LAPTM5: variants seen among roughly 807,000 people sequenced by gnomAD.
The protein encoded by LAPTM5 is lysosomal-associated transmembrane protein 5.
In LAPTM5, 11 loss-of-function variants were observed where a neutral mutation model predicts 30.1. The ratio of observed to expected loss-of-function variants is 0.37; its 90% CI spans 0.23 to 0.60. The LOEUF is 0.60. Ranked by LOEUF, LAPTM5 falls within the 20% of genes least tolerant of loss-of-function variation. The probability of loss-of-function intolerance (pLI) is 0.71; values close to 1 mark genes in which losing one functional copy is unlikely to be tolerated. For missense variants in LAPTM5, 324 were observed against 332.5 expected, an observed-to-expected ratio of 0.97 and a Z score of 0.20; for synonymous variants, 151 against 137.9, an observed-to-expected ratio of 1.10 and a Z score of -0.67.
chr1:30,754,864 C>T (rs1269717262), intron 1 of LAPTM5, among the ~76,000 whole-genome samples: 3 of 152,214 alleles, frequency 2.0e-5, no homozygotes, highest in African/African-American at 4.8e-5. Context: ...TGTGCAGAGT[C>T]GTCACCCATG....
intron 1 of LAPTM5, among the ~76,000 whole-genome samples, chr1:30,743,250 A>G (rs2124185927): frequency 6.6e-6 from 1 of 152,348 alleles, no homozygotes; most frequent in African/African-American, 2.4e-5. Flanking sequence ...GGTTCCAGGC[A>G]GGGAAAGCCT....
At chr1:30,747,200 A>G (rs1210569320) in intron 1 of LAPTM5, among the ~76,000 whole-genome samples, 1 of 152,194 alleles carries the variant, frequency 6.6e-6, no homozygotes, top group Non-Finnish European at 1.5e-5. Context: ...CCAACACAGA[A>G]GAGAAGAAAG....
In LAPTM5 at chr1:30,739,860, G is replaced by C; in HGVS notation, c.336C>G (p.Gly112=). The C allele has an allele frequency of 6.2e-7, 1 of 1,608,460 alleles. No individual in the cohort carries two copies. The highest frequency in any genetic ancestry group is 8.5e-7 in the Non-Finnish European group (1 of 1,177,182). ...DYLLCLLTLL[G]SYIELPAYLK... Reference sequence around the variant, plus strand: ...GGTAGGCGGGCAGCTCAATGTAGGAGCCCAGCAGGGTGAGCAGGCACAGGA... The same window carrying C: ...GGTAGGCGGGCAGCTCAATGTAGGACCCCAGCAGGGTGAGCAGGCACAGGA... The change falls in exon 4 of 8, where the codon GGC becomes GGG. Residue 112 remains glycine, a synonymous_variant. Coordinates refer to ENST00000294507, the MANE Select transcript of LAPTM5 (RefSeq NM_006762.3). The surrounding 1 kb of genome is among the most constrained non-coding windows in gnomAD (Gnocchi z 4.2).
intron 1 of LAPTM5, among the ~76,000 whole-genome samples, chr1:30,751,215 G>T (rs1640133409): frequency 6.6e-6 from 1 of 152,232 alleles, no homozygotes; most frequent in Non-Finnish European, 1.5e-5. Flanking sequence ...GAGGTGAGGA[G>T]AACAACTCAG....
At chr1:30,756,342 G>C (rs1213376183) in intron 1 of LAPTM5, among the ~76,000 whole-genome samples, 2 of 152,188 alleles carry the variant, frequency 1.3e-5, no homozygotes, top group Admixed American at 6.5e-5. Flanking sequence ...TTGACTCCAA[G>C]GATGCTGACA....
intron 2 of LAPTM5, 113 bp from the exon 3 acceptor site, chr1:30,741,829 A>T: frequency 1.5e-6 from 1 of 682,772 alleles, no homozygotes; most frequent in South Asian, 1.9e-5. Flanking sequence ...ATGCACAGGA[A>T]AGCCCAGGCC....
chr1:30,750,893 C>A (rs1569872958), intron 1 of LAPTM5, among the ~76,000 whole-genome samples: 2 of 152,334 alleles, frequency 1.3e-5, no homozygotes, highest in South Asian at 4.1e-4. Context: ...CCCAAGCAGC[C>A]CCTGTGCAGG....
chr1:30,752,525 T>A (rs1640152057), intron 1 of LAPTM5, among the ~76,000 whole-genome samples: 1 of 152,184 alleles, frequency 6.6e-6, no homozygotes, highest in Non-Finnish European at 1.5e-5. Flanking sequence ...CAGCGTGACC[T>A]CTTTTCCAAG....
intron 1 of LAPTM5, among the ~76,000 whole-genome samples, chr1:30,747,939 C>T (rs952542923): frequency 2.6e-5 from 4 of 151,908 alleles, no homozygotes; most frequent in Non-Finnish European, 4.4e-5. Context: ...ATGGGGGTGA[C>T]GGCAATGGGG....
chr1:30,741,557 C>T, intron 3 of LAPTM5, 83 bp downstream of exon 3: 1 of 1,012,704 alleles, frequency 9.9e-7, no homozygotes, highest in East Asian at 3.0e-5. Context: ...GCCTCCCACC[C>T]TCTCAGCACC....
chr1:30,739,395 C>T lies in LAPTM5; in HGVS notation c.388-333G>A, dbSNP rs958391900. Among the ~76,000 whole-genome samples, 4 of 152,198 alleles carry T rather than the reference C, an allele frequency of 2.6e-5. No individual in the cohort carries two copies. Among genetic ancestry groups the T allele is most frequent in the African/African-American group, 7.2e-5 (3 of 41,440 alleles). ...ACTGGCAGCAGCCCTCAAGCCACCC[C>T]ACAGTGGGCGCTCACTGGCATGAAT... On this transcript the variant is annotated intron_variant, in intron 4 of 7. Coordinates refer to ENST00000294507, the MANE Select transcript of LAPTM5 (RefSeq NM_006762.3). The surrounding 1 kb of genome is among the most constrained non-coding windows in gnomAD (Gnocchi z 4.2).
chr1:30,748,881 C>T (rs984928140), intron 1 of LAPTM5, among the ~76,000 whole-genome samples: 55 of 152,238 alleles, frequency 3.6e-4, no homozygotes, highest in African/African-American at 1.3e-3. Context: ...GGGATCCTGG[C>T]CTGGCCATGT....
At chr1:30,740,705 A>C (rs1639957962) in intron 3 of LAPTM5, among the ~76,000 whole-genome samples, 1 of 151,972 alleles carries the variant, frequency 6.6e-6, no homozygotes, top group Non-Finnish European at 1.5e-5. Context: ...CCATTTCTCC[A>C]TTTCTCTAGC....
At chr1:30,741,425 T>C (rs1639968654) in intron 3 of LAPTM5, among the ~76,000 whole-genome samples, 1 of 152,176 alleles carries the variant, frequency 6.6e-6, no homozygotes, top group Non-Finnish European at 1.5e-5. Context: ...CCCGGCCCCG[T>C]GGAGGCTCAT....
At chr1:30,745,469 G>A (rs1007312196) in intron 1 of LAPTM5, among the ~76,000 whole-genome samples, 16 of 147,952 alleles carry the variant, frequency 1.1e-4, no homozygotes, top group African/African-American at 4.0e-4. Context: ...CCAGGCACCA[G>A]AGGTATTTCT....
intron 5 of LAPTM5, among the ~76,000 whole-genome samples, chr1:30,738,737 T>A (rs1009809160): frequency 1.3e-5 from 2 of 152,228 alleles, no homozygotes; most frequent in African/African-American, 4.8e-5. Context: ...CTTGGCTTCC[T>A]CCTTTTCTCG....
chr1:30,738,217 T>C (rs1048746764), intron 5 of LAPTM5, among the ~76,000 whole-genome samples: 1 of 152,226 alleles, frequency 6.6e-6, no homozygotes, highest in African/African-American at 2.4e-5. Context: ...CCCTTGAGTG[T>C]GGGCTGGACT....
At chr1:30,736,767 T>C (rs1639890291) in intron 6 of LAPTM5, among the ~76,000 whole-genome samples, 1 of 152,192 alleles carries the variant, frequency 6.6e-6, no homozygotes, top group Admixed American at 6.5e-5. Flanking sequence ...TACTATGACC[T>C]ATGTTACTTT....
intron 1 of LAPTM5, among the ~76,000 whole-genome samples, chr1:30,742,797 C>T (rs1353103060): frequency 6.6e-6 from 1 of 152,158 alleles, no homozygotes; most frequent in South Asian, 2.1e-4. Context: ...CTATGTGCCT[C>T]GGTTTTCCCA....
Sources: gnomAD v4.1 joint callset for allele counts (sites outside exome capture counted in the v4.1 genomes callset) on GRCh38, gnomAD v4.1.1 for gene constraint, Gnocchi (gnomAD v3.1) non-coding constraint, MANE v1.5 for transcripts, NCBI Gene and HGNC (gene_info 2026-07-23, HGNC 2026-07-21) for gene names.